KCTD14: variants seen among roughly 807,000 people sequenced by gnomAD.
KCTD14 encodes the protein potassium channel tetramerization domain containing 14, also known as BTB/POZ domain-containing protein KCTD14.
In KCTD14, 7 loss-of-function variants were observed where a neutral mutation model predicts 5.9. The observed-to-expected ratio is 1.19, with a 90% confidence interval of 0.68 to 2.23. The LOEUF is 2.23. KCTD14 is among the 30% of genes most tolerant of loss of function. KCTD14 has a pLI of 0.00. For synonymous variants in KCTD14, 140 were observed against 133.1 expected (o/e 1.05, Z -0.36); for missense variants, 342 against 332.2 (o/e 1.03, Z -0.23).
rs556883245 is a variant in KCTD14 at position 78,041,916 on chromosome 11, C to G, written c.-95-3158G>C. 2.4e-4 allele frequency among the ~76,000 whole-genome samples: 36 copies of G among 152,208 alleles called. No homozygotes were observed. In the East Asian group the frequency reaches 6.8e-3, roughly 29 times the overall value. On this transcript the variant is annotated intron_variant, in intron 1 of 2. Transcript: ENST00000533144. ...TCTCTTCCGTGACCCACGGCTTCTACTAGAGCTATAACACTCACCGCATGG... is the reference window on the plus strand; with the variant it reads ...TCTCTTCCGTGACCCACGGCTTCTAGTAGAGCTATAACACTCACCGCATGG...
rs79157716 is a variant in KCTD14 at position 78,032,672 on chromosome 11, C to T, written c.-1+5992G>A. ...CAGCCTTGCCCTCTTTCCTCCACAT[C>T]TTCTCTGGGAGAACATAAAGTGATC... On this transcript the variant is annotated intron_variant, in intron 2 of 2. Transcript: ENST00000533144. 6.5e-3 allele frequency among the ~76,000 whole-genome samples: 967 copies of T among 149,382 alleles called. 14 individuals are homozygous for T. Among genetic ancestry groups the T allele is most frequent in the East Asian group, 0.056 (284 of 5,108 alleles).
rs754632203 is a variant in KCTD14, at chr11:78,016,732, T to C, written c.629A>G (p.Asn210Ser). 7 of 1,614,208 alleles carry C rather than the reference T, an allele frequency of 4.3e-6. No homozygotes were observed. In the South Asian group the frequency reaches 7.7e-5, roughly 18 times the overall value. ...CTCCAGGCAGTGCATGAGGTCGCTG[T>C]TGTCTAGGACCGCCTTCCAGGGCCC... ...KFGPWKAVLD[N>S]SDLMHCLEMD... is the part of the protein sequence containing the mutation. Residue 210 changes from asparagine (N) to serine (S), a missense_variant, in exon 2 of 2, where the codon AAC (asparagine) becomes AGC (serine). Asn to Ser is a conservative substitution (Grantham distance 46, BLOSUM62 1). Transcript: ENST00000353172.
upstream of KCTD14, chr11:78,023,301 G>A (rs1356085155): frequency 1.9e-6 from 3 of 1,567,862 alleles, no homozygotes; most frequent in Non-Finnish European, 1.7e-6. Context: ...CCCTAGGTGG[G>A]AACACCGAGG....
chr11:78,037,791 C>A (rs932293980), intron 2 of KCTD14, among the ~76,000 whole-genome samples: 30 of 151,962 alleles, frequency 2.0e-4, no homozygotes, highest in Non-Finnish European at 7.4e-5. Flanking sequence ...TGCACTCCAG[C>A]CTAGTCAACA....
At position 78,016,863 on chromosome 11, in the gene KCTD14, G is replaced by A. The variant is rs1857178721; in HGVS notation, c.498C>T (p.Ser166=). The change falls in exon 2 of 2, where the codon TCC becomes TCT. Residue 166 remains serine (S), a synonymous_variant. Transcript: ENST00000353172. ...ARAEAITARK[S]SVLVCLVETE... is the part of the protein sequence containing the mutation. ...TTTCCACCAGGCACACAAGCACGCTGGACTTCCGTGCTGTTATGGCTTCTG... is the reference window on the plus strand; with the variant it reads ...TTTCCACCAGGCACACAAGCACGCTAGACTTCCGTGCTGTTATGGCTTCTG... 6.2e-7 allele frequency: 1 copy of A among 1,614,084 alleles called. No individual in the cohort carries two copies. The highest frequency in any genetic ancestry group is 1.7e-5 in the Admixed American group (1 of 59,996).
chr11:78,030,809 C>T (rs1410730257), intron 2 of KCTD14, among the ~76,000 whole-genome samples: 4 of 152,106 alleles, frequency 2.6e-5, no homozygotes, highest in African/African-American at 4.8e-5. Flanking sequence ...AGCTGTGCCA[C>T]GAGGCATCCT....
At chr11:78,024,031 TGA>T (rs1490971096), upstream of KCTD14, among the ~76,000 whole-genome samples, 1 of 152,164 alleles carries the variant, frequency 6.6e-6, no homozygotes, top group Non-Finnish European at 1.5e-5. Context: ...GGAAAGAGGT[TGA>T]GTGTTCCCAT....
chr11:78,016,559 C>T lies in KCTD14; in HGVS notation c.*34G>A, dbSNP rs374547036. 6.2e-5 allele frequency: 96 copies of T among 1,560,586 alleles called. 1 individual carries two copies. The highest frequency in any genetic ancestry group is 7.3e-5 in the Admixed American group (4 of 55,124). ...TGGCAACTTTTAATTTCATAAGCCA[C>T]GCCAGAATTCATAACAGTCTCTGCT... On this transcript the variant is annotated 3_prime_UTR_variant, in exon 2 of 2. Transcript: ENST00000353172.
upstream of KCTD14, among the ~76,000 whole-genome samples, chr11:78,025,063 T>C (rs1249815569): frequency 2.7e-5 from 4 of 146,360 alleles, no homozygotes; most frequent in East Asian, 2.0e-4. Context: ...TGTGTATATA[T>C]ACACACACAC....
At chr11:78,025,035 G>A (rs938855508), upstream of KCTD14, among the ~76,000 whole-genome samples, 5 of 136,882 alleles carry the variant, frequency 3.7e-5, no homozygotes, top group South Asian at 6.8e-4. Flanking sequence ...TTAACTCCCC[G>A]TTATATATAT....
chr11:78,016,335 A>C lies in KCTD14; in HGVS notation c.*258T>G, dbSNP rs1591171849. 5.8e-6 allele frequency: 3 copies of C among 516,302 alleles called. No homozygotes were observed. The highest frequency in any genetic ancestry group is 1.0e-5 in the Non-Finnish European group (3 of 290,922). 32.0% of individuals were successfully genotyped at this position (516,302 alleles called of 1,614,324 possible). ...TGAAACATTCTTACTTGGTCTTGTT[A>C]TTGGACTTCAAGAGAAGGGTCTGGG... is the stretch of plus-strand genomic sequence containing the variant. On this transcript the variant is annotated 3_prime_UTR_variant, in exon 2 of 2. Transcript: ENST00000353172.
chr11:78,030,136 G>A (rs1300862442), intron 2 of KCTD14, among the ~76,000 whole-genome samples: 1 of 151,992 alleles, frequency 6.6e-6, no homozygotes, highest in Non-Finnish European at 1.5e-5. Context: ...TCCATTCCTG[G>A]ACAGGAATAT....
chr11:78,042,924 C>G (rs1029056260), intron 1 of KCTD14, among the ~76,000 whole-genome samples: 3 of 152,200 alleles, frequency 2.0e-5, no homozygotes, highest in African/African-American at 7.2e-5. Context: ...GCCACCCCAC[C>G]CTAATTTTTC....
At chr11:78,018,323 T>C (rs1857225184) in intron 1 of KCTD14, among the ~76,000 whole-genome samples, 1 of 152,202 alleles carries the variant, frequency 6.6e-6, no homozygotes, top group Non-Finnish European at 1.5e-5. Flanking sequence ...GGAGGATCAC[T>C]TGTGGCCAGG....
In KCTD14 at chr11:78,019,302, C is replaced by T. The variant is rs572020654; in HGVS notation, c.91-2032G>A. Among the ~76,000 whole-genome samples the T allele has an allele frequency of 7.2e-5, 11 of 152,260 alleles. No individual in the cohort carries two copies. The South Asian group carries it at 2.3e-3, about 32-fold the overall frequency. On this transcript the variant is annotated intron_variant, in intron 1 of 1. Transcript: ENST00000353172. Reference sequence around the variant, plus strand: ...GTGTTGGGATTACAGGCGTGAGCCACAGCCCCGGCCAGAAATGAATTTTTT... The same window carrying T: ...GTGTTGGGATTACAGGCGTGAGCCATAGCCCCGGCCAGAAATGAATTTTTT...
chr11:78,033,669 G>A (rs1470551643), intron 2 of KCTD14, among the ~76,000 whole-genome samples: 1 of 123,016 alleles, frequency 8.1e-6, no homozygotes, highest in Non-Finnish European at 1.7e-5. Flanking sequence ...GCAACAGAGC[G>A]AGACTCCTTC....
rs35820886 is a variant in KCTD14, at chr11:78,032,703, C to CTTT, written c.-1+5958_-1+5960dup. ...TGGGAGAACATAAAGTGATCTACTT[C>CTTT]TTTTTTTTTTTTTTTTTTTGAGACA... On this transcript the variant is annotated intron_variant, in intron 2 of 2. Coordinates refer to the KCTD14 transcript ENST00000533144. Among the ~76,000 whole-genome samples, 179 of 123,502 alleles carry CTTT rather than the reference C, an allele frequency of 1.4e-3. 2 individuals are homozygous for CTTT. The highest frequency in any genetic ancestry group is 4.9e-3 in the African/African-American group (157 of 32,154). 81.0% of individuals were successfully genotyped at this position (123,502 alleles called of 152,430 possible).
chr11:78,035,087 G>T (rs1020986956), intron 2 of KCTD14, among the ~76,000 whole-genome samples: 8 of 152,066 alleles, frequency 5.3e-5, no homozygotes, highest in Non-Finnish European at 1.0e-4. Context: ...GGTGACCGAG[G>T]GTTTTTCTTT....
upstream of KCTD14, among the ~76,000 whole-genome samples, chr11:78,024,411 T>TATAC (rs1456026280): frequency 6.3e-4 from 74 of 116,856 alleles, 1 homozygote; most frequent in African/African-American, 2.2e-3. Flanking sequence ...TATATATATA[T>TATAC]ACACACACAC....
Sources: allele counts gnomAD v4.1 joint callset (sites outside exome capture counted in the v4.1 genomes callset), GRCh38; gene constraint gnomAD v4.1.1; transcripts MANE v1.5; gene names NCBI Gene and HGNC (gene_info 2026-07-23, HGNC 2026-07-21).